IGFL4: variants seen among roughly 807,000 people sequenced by gnomAD.
The protein encoded by IGFL4 is IGF like family member 4.
IGFL4 carries 12 observed loss-of-function variants against 15.4 expected under a neutral mutation model. The ratio of observed to expected loss-of-function variants is 0.78; its 90% CI spans 0.50 to 1.26. The LOEUF (loss-of-function observed/expected upper bound fraction) is 1.26. Ranked by LOEUF, IGFL4 falls within the 50% of genes most tolerant of loss-of-function variation. The pLI is 0.00. For missense variants in IGFL4, 126 were observed against 147.8 expected, an observed-to-expected ratio of 0.85 and a Z score of 0.76; for synonymous variants, 54 against 55.9, an observed-to-expected ratio of 0.97 and a Z score of 0.16.
chr19:46,068,300 C>T (rs1040116269), intron 1 of IGFL4, among the ~76,000 whole-genome samples: 1 of 152,158 alleles, frequency 6.6e-6, no homozygotes, highest in Non-Finnish European at 1.5e-5. Context: ...GTGGCTTAGA[C>T]AGTAATCTGA....
chr19:46,052,865 C>CTTT (rs1969358338), intron 2 of IGFL4, among the ~76,000 whole-genome samples: 2 of 102,306 alleles, frequency 2.0e-5, no homozygotes, highest in Admixed American at 1.1e-4. Context: ...TATGTTATCT[C>CTTT]GTTTTTTTTT....
At position 46,040,138 on chromosome 19, in the gene IGFL4, A is replaced by G. The variant is rs1373190575; in HGVS notation, c.330+19T>C. The G allele has an allele frequency of 6.2e-7, 1 of 1,612,398 alleles. No individual in the cohort carries two copies. The highest frequency in any genetic ancestry group is 8.5e-7 in the Non-Finnish European group (1 of 1,179,338). ...CCTACTCCCCCCTCCCACAGCCTGG[A>G]CTGGAGTCAGATCCTTACCTGGGCA... On this transcript the variant is annotated intron_variant, in intron 3 of 3. Coordinates refer to ENST00000377697, the MANE Select transcript of IGFL4 (RefSeq NM_001002923.3). This position sits in a 1 kb window ranked among gnomAD's most constrained non-coding sequence, Gnocchi z 4.1.
upstream of IGFL4, chr19:46,077,215 A>G (rs1969612963): frequency 6.6e-6 from 1 of 152,204 alleles, no homozygotes; most frequent in Admixed American, 6.5e-5. This position sits in a 1 kb window ranked among gnomAD's most constrained non-coding sequence, Gnocchi z 5.4. Flanking sequence ...GCGGGCTGCG[A>G]CCTGCATACT....
chr19:46,065,846 G>A (rs1969489642), intron 1 of IGFL4, among the ~76,000 whole-genome samples: 2 of 152,340 alleles, frequency 1.3e-5, no homozygotes, highest in Admixed American at 1.3e-4. Context: ...GCTCTCTAGA[G>A]GGTAAAATGT....
At position 46,064,780 on chromosome 19, in the gene IGFL4, A is replaced by G. The variant is rs1281373590; in HGVS notation, c.-431-4487T>C. On this transcript the variant is annotated intron_variant, in intron 1 of 5. Transcript: ENST00000601672. ...ATATGGAAGTGCAGGTATCTCTTCA[A>G]TATATTAACTTCCTTTCTTTTGGGT... Among the ~76,000 whole-genome samples the G allele has an allele frequency of 2.6e-5, 4 of 152,180 alleles. No homozygotes were observed. In the East Asian group the frequency reaches 7.7e-4, roughly 29 times the overall value.
At chr19:46,061,350 A>G (rs548860002) in intron 1 of IGFL4, among the ~76,000 whole-genome samples, 1 of 152,356 alleles carries the variant, frequency 6.6e-6, no homozygotes, top group African/African-American at 2.4e-5. Flanking sequence ...TTTTTCTGAG[A>G]AAATATTTGA....
intron 1 of IGFL4, among the ~76,000 whole-genome samples, chr19:46,069,076 T>C (rs531580434): frequency 1.3e-5 from 2 of 152,274 alleles, no homozygotes; most frequent in South Asian, 2.1e-4. Context: ...CAGTACTGTA[T>C]AGAACAGGTG....
chr19:46,051,227 C>T (rs1988420), intron 2 of IGFL4, among the ~76,000 whole-genome samples: 108,606 of 152,108 alleles, frequency 0.71, 39,382 homozygotes, highest in Middle Eastern at 0.75. Context: ...CCTTAAAGCA[C>T]AAATCTTACA....
upstream of IGFL4, among the ~76,000 whole-genome samples, chr19:46,041,525 C>T (rs370847536): frequency 6.6e-6 from 1 of 151,308 alleles, no homozygotes; most frequent in Admixed American, 6.6e-5. Flanking sequence ...CCAGGGAGAA[C>T]AACAACAACA....
rs1969235845 is a variant in IGFL4, at chr19:46,040,907, T to C, written c.19+37A>G. On this transcript the variant is annotated intron_variant, in intron 1 of 3. Coordinates refer to ENST00000377697, the MANE Select transcript of IGFL4 (RefSeq NM_001002923.3). This position sits in a 1 kb window ranked among gnomAD's most constrained non-coding sequence, Gnocchi z 4.1. ...GAAATAATTAGGGATGTGATATCAT[T>C]AGGGATTAGCTTAGCCTAGGGCTGG... 1.3e-6 allele frequency: 2 copies of C among 1,561,326 alleles called. No homozygotes were observed. The highest frequency in any genetic ancestry group is 1.2e-5 in the South Asian group (1 of 85,534).
intron 1 of IGFL4, among the ~76,000 whole-genome samples, chr19:46,068,741 A>G (rs1483610501): frequency 6.6e-6 from 1 of 152,202 alleles, no homozygotes; most frequent in Non-Finnish European, 1.5e-5. Flanking sequence ...AATTAAATGC[A>G]TTGGGAGCTC....
intron 1 of IGFL4, among the ~76,000 whole-genome samples, chr19:46,060,569 T>A (rs1414043782): frequency 6.6e-6 from 1 of 152,206 alleles, no homozygotes; most frequent in African/African-American, 2.4e-5. Flanking sequence ...AAAGCAATGA[T>A]CTGTGGATGA....
intron 2 of IGFL4, among the ~76,000 whole-genome samples, chr19:46,050,706 C>T (rs1248500231): frequency 2.0e-5 from 3 of 152,166 alleles, no homozygotes; most frequent in Non-Finnish European, 4.4e-5. Flanking sequence ...GTTGGTGGTC[C>T]GGAGGAAGAA....
At position 46,063,345 on chromosome 19, in the gene IGFL4, AC is replaced by A. The variant is rs1469373078; in HGVS notation, c.-431-3053del. ...AGAACACACACGCATGCACACACAC[AC>A]ACACACACACACACACACACATACA... On this transcript the variant is annotated intron_variant, in intron 1 of 5. Coordinates refer to the IGFL4 transcript ENST00000601672. Among the ~76,000 whole-genome samples, 763 of 150,578 alleles carry A rather than the reference AC, an allele frequency of 5.1e-3. 12 individuals are homozygous for A. Among genetic ancestry groups the A allele is most frequent in the African/African-American group, 0.018 (724 of 41,040 alleles).
upstream of IGFL4, among the ~76,000 whole-genome samples, chr19:46,077,275 G>A (rs566205476): frequency 2.1e-4 from 32 of 152,338 alleles, 1 homozygote; most frequent in African/African-American, 6.3e-4. The surrounding 1 kb of genome is among the most constrained non-coding windows in gnomAD (Gnocchi z 5.4). Context: ...AAACCTGGGT[G>A]TGACTTGGAA....
At chr19:46,057,900 C>T (rs1969408254) in intron 2 of IGFL4, 1 of 152,262 alleles carries the variant, frequency 6.6e-6, no homozygotes, top group South Asian at 2.1e-4. Context: ...ATTTAATTAC[C>T]TCCCACTGCA....
intron 2 of IGFL4, among the ~76,000 whole-genome samples, chr19:46,049,966 C>T (rs2146515194): frequency 6.6e-6 from 1 of 152,186 alleles, no homozygotes; most frequent in East Asian, 1.9e-4. Context: ...GGTTGAGAGA[C>T]CTAAAGACGG....
In IGFL4 at chr19:46,062,017, A is replaced by G. The variant is rs573290640; in HGVS notation, c.-431-1724T>C. On this transcript the variant is annotated intron_variant, in intron 1 of 5. Transcript: ENST00000601672. ...CTTCGATTTTGAGAGGAATCTATCC[A>G]CTTTTAATTCCTAGGGTTTCATGAG... Among the ~76,000 whole-genome samples, 10 of 152,292 alleles carry G rather than the reference A, an allele frequency of 6.6e-5. No homozygotes were observed. The South Asian group carries it at 1.9e-3, about 28-fold the overall frequency.
intron 2 of IGFL4, among the ~76,000 whole-genome samples, chr19:46,049,429 A>C (rs1239243633): frequency 6.6e-6 from 1 of 152,202 alleles, no homozygotes; most frequent in Non-Finnish European, 1.5e-5. Flanking sequence ...TTAGGGGGGC[A>C]TAGTGGGAGT....
Sources: gnomAD v4.1 joint callset for allele counts (sites outside exome capture counted in the v4.1 genomes callset) on GRCh38, gnomAD v4.1.1 for gene constraint, Gnocchi (gnomAD v3.1) non-coding constraint, MANE v1.5 for transcripts, NCBI Gene and HGNC (gene_info 2026-07-23, HGNC 2026-07-21) for gene names.